COL23A1: variants seen among roughly 807,000 people sequenced by gnomAD.
COL23A1 encodes the protein collagen alpha-1(XXIII) chain.
In COL23A1, 97 loss-of-function variants were observed where a neutral mutation model predicts 99.3. The ratio of observed to expected loss-of-function variants is 0.98; its 90% confidence interval spans 0.83 to 1.16. The LOEUF is 1.16. Among genes scored for constraint, COL23A1 ranks in the 50% most tolerant of loss-of-function variants. The pLI is 0.00. For synonymous variants in COL23A1, 320 were observed against 308.2 expected, an observed-to-expected ratio of 1.04 and a Z score of -0.40; for missense variants, 762 against 757.4, an observed-to-expected ratio of 1.01 and a Z score of -0.07.
intron 1 of COL23A1, among the ~76,000 whole-genome samples, chr5:178,566,823 A>G (rs911476209): frequency 6.6e-6 from 1 of 151,932 alleles, no homozygotes; most frequent in East Asian, 1.9e-4. Flanking sequence ...CTCAAAAAAA[A>G]AAGAAAGAAA....
intron 2 of COL23A1, among the ~76,000 whole-genome samples, chr5:178,333,687 CCCCCAGG>C (rs1417005171): frequency 6.6e-6 from 1 of 152,170 alleles, no homozygotes; most frequent in Non-Finnish European, 1.5e-5. Context: ...AGGGCCTCTG[CCCCCAGG>C]CCGGGCCTGG....
intron 2 of COL23A1, among the ~76,000 whole-genome samples, chr5:178,431,977 G>C (rs998050251): frequency 1.3e-5 from 2 of 152,074 alleles, no homozygotes; most frequent in Admixed American, 1.3e-4. Flanking sequence ...ACTTTCTCTG[G>C]GCAAAGAACA....
At chr5:178,563,410 G>A (rs552458868) in intron 1 of COL23A1, among the ~76,000 whole-genome samples, 6 of 152,270 alleles carry the variant, frequency 3.9e-5, no homozygotes, top group African/African-American at 1.4e-4. Context: ...TGCCTGGAGT[G>A]GAGTCCATGA....
At chr5:178,334,017 C>G (rs1393303077) in intron 2 of COL23A1, among the ~76,000 whole-genome samples, 1 of 152,148 alleles carries the variant, frequency 6.6e-6, no homozygotes, top group African/African-American at 2.4e-5. Flanking sequence ...TTCCCTTTCT[C>G]CACAGGGGAG....
chr5:178,271,891 G>A (rs529585584), intron 5 of COL23A1, among the ~76,000 whole-genome samples: 2 of 152,332 alleles, frequency 1.3e-5, no homozygotes, highest in African/African-American at 4.8e-5. Flanking sequence ...TGGTGGAGGA[G>A]CAGAGGGGCT....
In COL23A1 at chr5:178,309,433, T is replaced by C. The variant is rs1320936041; in HGVS notation, c.362-2514A>G. Among the ~76,000 whole-genome samples the C allele has an allele frequency of 3.3e-5, 5 of 151,976 alleles. No homozygotes were observed. Among genetic ancestry groups the C allele is most frequent in the Admixed American group, 2.6e-4 (4 of 15,276 alleles). ...CAGGCTGGATGTGACCCCGACTGAA[T>C]AGGGCCCTCGTGGAGGGAGAGAATG... On this transcript the variant is annotated intron_variant, in intron 2 of 28. Coordinates refer to ENST00000390654, the MANE Select transcript of COL23A1 (RefSeq NM_173465.4). The surrounding 1 kb of genome is among the most constrained non-coding windows in gnomAD (Gnocchi z 4.7).
In COL23A1 at chr5:178,310,106, C is replaced by A. The variant is rs900939906; in HGVS notation, c.362-3187G>T. 3.3e-5 allele frequency among the ~76,000 whole-genome samples: 5 copies of A among 152,210 alleles called. No homozygotes were observed. The highest frequency in any genetic ancestry group is 1.2e-4 in the African/African-American group (5 of 41,448). ...TGACGTGCCAGTGAGATAGGGAGTGCCTTCCACCCTTCCTTTCCCGGACTG... is the reference window on the plus strand; with the variant it reads ...TGACGTGCCAGTGAGATAGGGAGTGACTTCCACCCTTCCTTTCCCGGACTG... On this transcript the variant is annotated intron_variant, in intron 2 of 28. Coordinates refer to ENST00000390654, the MANE Select transcript of COL23A1 (RefSeq NM_173465.4). This position sits in a 1 kb window ranked among gnomAD's most constrained non-coding sequence, Gnocchi z 4.3.
chr5:178,246,335 G>A, intron 23 of COL23A1, 28 bp from the exon 24 acceptor site: 5 of 1,558,824 alleles, frequency 3.2e-6, no homozygotes, highest in Non-Finnish European at 4.3e-6. Flanking sequence ...GAGTCAAGAG[G>A]CATGCTAGTG....
chr5:178,239,303 C>T, intron 27 of COL23A1, 124 bp from the exon 28 acceptor site: 1 of 1,062,100 alleles, frequency 9.4e-7, no homozygotes, highest in Non-Finnish European at 1.4e-6. Flanking sequence ...ACTGCTGGGC[C>T]CCACTGAGGC....
chr5:178,355,326 G>A (rs2127686121), intron 2 of COL23A1, among the ~76,000 whole-genome samples: 1 of 152,250 alleles, frequency 6.6e-6, no homozygotes, highest in East Asian at 1.9e-4. Context: ...TCAAGGACTT[G>A]AGCAGTCCAG....
intron 2 of COL23A1, among the ~76,000 whole-genome samples, chr5:178,519,098 G>A (rs1759797465): frequency 6.6e-6 from 1 of 151,946 alleles, no homozygotes; most frequent in Non-Finnish European, 1.5e-5. Flanking sequence ...CTAAGCCACC[G>A]ACCCCAGCCC....
intron 2 of COL23A1, among the ~76,000 whole-genome samples, chr5:178,466,335 C>T (rs1245211869): frequency 1.3e-5 from 2 of 152,200 alleles, no homozygotes; most frequent in Non-Finnish European, 2.9e-5. Flanking sequence ...GTCACCATTG[C>T]TGTTGACATA....
intron 2 of COL23A1, among the ~76,000 whole-genome samples, chr5:178,557,843 G>C (rs1762360807): frequency 6.6e-6 from 1 of 152,152 alleles, no homozygotes; most frequent in Admixed American, 6.5e-5. Context: ...CCGGCCTGCT[G>C]GGGTTTAGTG....
chr5:178,398,776 C>A (rs1318517696), intron 2 of COL23A1, among the ~76,000 whole-genome samples: 1 of 152,238 alleles, frequency 6.6e-6, no homozygotes, highest in Non-Finnish European at 1.5e-5. Context: ...AGGCCTCTTT[C>A]AGGGACCCGT....
intron 2 of COL23A1, among the ~76,000 whole-genome samples, chr5:178,311,509 CGTGTGTGTGT>C (rs958348391): frequency 3.7e-5 from 1 of 27,176 alleles, no homozygotes; most frequent in Non-Finnish European, 1.6e-4. Flanking sequence ...TGTGTGTGCG[CGTGTGTGTGT>C]GTGTGTGTGT....
chr5:178,450,533 A>G (rs1461979747), intron 2 of COL23A1, among the ~76,000 whole-genome samples: 1 of 152,140 alleles, frequency 6.6e-6, no homozygotes, highest in East Asian at 1.9e-4. Flanking sequence ...GGGTGTCCAC[A>G]GCCTCCGAGC....
intron 13 of COL23A1, among the ~76,000 whole-genome samples, chr5:178,257,216 G>T (rs1194786510): frequency 1.3e-5 from 2 of 152,138 alleles, no homozygotes; most frequent in Non-Finnish European, 2.9e-5. Flanking sequence ...GGTGGCTGTT[G>T]CGAGGGGTTG....
intron 27 of COL23A1, 84 bp downstream of exon 27, chr5:178,241,958 G>A: frequency 9.7e-7 from 1 of 1,033,446 alleles, no homozygotes; most frequent in Non-Finnish European, 1.4e-6. Flanking sequence ...ACTTGCAGCT[G>A]AGTTCCGAGG....
At chr5:178,477,452 T>G (rs1757093116) in intron 2 of COL23A1, among the ~76,000 whole-genome samples, 1 of 152,180 alleles carries the variant, frequency 6.6e-6, no homozygotes, top group Non-Finnish European at 1.5e-5. Context: ...GCAATCCATC[T>G]TGACTGAAAA....
Sources: gnomAD v4.1 joint callset for allele counts (sites outside exome capture counted in the v4.1 genomes callset) on GRCh38, gnomAD v4.1.1 for gene constraint, Gnocchi (gnomAD v3.1) non-coding constraint, MANE v1.5 for transcripts, NCBI Gene and HGNC (gene_info 2026-07-23, HGNC 2026-07-21) for gene names.